PLCB1: variants seen among roughly 807,000 people sequenced by gnomAD.
PLCB1 encodes 1-phosphatidylinositol 4,5-bisphosphate phosphodiesterase beta-1.
In PLCB1, 46 loss-of-function variants were observed where a neutral mutation model predicts 161.8. That is an observed-to-expected ratio of 0.28 (90% CI 0.22 to 0.36). The LOEUF (loss-of-function observed/expected upper bound fraction) is 0.36, where lower values mean the gene tolerates loss of function less well. Ranked by LOEUF, PLCB1 falls within the 10% of genes least tolerant of loss-of-function variation. PLCB1 has a pLI of 1.00. For synonymous variants in PLCB1, 517 were observed against 503.7 expected (o/e 1.03, Z -0.35); for missense variants, 1,016 against 1,472.5 (o/e 0.69, Z 5.07).
intron 2 of PLCB1, among the ~76,000 whole-genome samples, chr20:8,213,607 A>G (rs6055659): frequency 0.018 from 2,756 of 152,128 alleles, 104 homozygotes; most frequent in African/African-American, 0.063. Flanking sequence ...TCTGTTGTGC[A>G]TTTTTTGTTA....
intron 2 of PLCB1, among the ~76,000 whole-genome samples, chr20:8,236,104 A>G (rs1254435959): frequency 6.6e-6 from 1 of 152,176 alleles, no homozygotes; most frequent in Non-Finnish European, 1.5e-5. Flanking sequence ...TGAAGAAACT[A>G]CTAAAAAATG....
intron 2 of PLCB1, among the ~76,000 whole-genome samples, chr20:8,177,287 G>C (rs75673843): frequency 1.3e-5 from 2 of 152,036 alleles, no homozygotes; most frequent in Admixed American, 1.3e-4. Flanking sequence ...TTCATAGAAG[G>C]CACCTTCTGT....
chr20:8,680,765 A>C (rs528389232), intron 9 of PLCB1, among the ~76,000 whole-genome samples: 1 of 152,110 alleles, frequency 6.6e-6, no homozygotes, highest in Admixed American at 6.6e-5. Flanking sequence ...AATTATCCTC[A>C]CACTCACTCA....
At chr20:8,371,105 T>C in intron 2 of PLCB1, 1 of 367,248 alleles carries the variant, frequency 2.7e-6, no homozygotes, top group Non-Finnish European at 4.9e-6. Flanking sequence ...CAAGAAGACC[T>C]GATTCATCAT....
At chr20:8,574,087 G>A (rs556403872) in intron 3 of PLCB1, among the ~76,000 whole-genome samples, 1 of 152,300 alleles carries the variant, frequency 6.6e-6, no homozygotes, top group East Asian at 1.9e-4. Context: ...AGGAATCAAG[G>A]CCAAAGAACA....
intron 3 of PLCB1, among the ~76,000 whole-genome samples, chr20:8,417,398 C>A (rs1230431182): frequency 6.6e-6 from 1 of 151,170 alleles, no homozygotes. Flanking sequence ...ATGTATATAA[C>A]AAATCAAATT....
At chr20:8,410,581 A>G (rs989903442) in intron 3 of PLCB1, among the ~76,000 whole-genome samples, 2 of 152,232 alleles carry the variant, frequency 1.3e-5, no homozygotes, top group Non-Finnish European at 1.5e-5. Context: ...TGCATGAACC[A>G]CACTTGACAC....
At chr20:8,765,114 T>C (rs746683302) in intron 25 of PLCB1, 25 bp from the exon 26 acceptor site, 2 of 1,587,188 alleles carry the variant, frequency 1.3e-6, no homozygotes, top group Middle Eastern at 1.7e-4. Flanking sequence ...CCCATTCCCT[T>C]AGCTTTCATA....
At chr20:8,166,228 A>G (rs773351571) in intron 2 of PLCB1, among the ~76,000 whole-genome samples, 1 of 152,274 alleles carries the variant, frequency 6.6e-6, no homozygotes, top group Non-Finnish European at 1.5e-5. Flanking sequence ...TTCAATACAT[A>G]TCAACCTGGA....
At chr20:8,593,209 G>A (rs1017480735) in intron 3 of PLCB1, among the ~76,000 whole-genome samples, 11 of 152,178 alleles carry the variant, frequency 7.2e-5, no homozygotes, top group African/African-American at 1.9e-4. Context: ...GTCTTGCTCC[G>A]TCACCCAGGC....
At chr20:8,639,566 C>T (rs1237266698) in intron 4 of PLCB1, among the ~76,000 whole-genome samples, 1 of 152,228 alleles carries the variant, frequency 6.6e-6, no homozygotes. Context: ...TTTCCCAGAA[C>T]CCTCCAGCAG....
At chr20:8,413,030 G>A (rs559531897) in intron 3 of PLCB1, among the ~76,000 whole-genome samples, 1 of 150,608 alleles carries the variant, frequency 6.6e-6, no homozygotes, top group Non-Finnish European at 1.5e-5. Context: ...GGGAATTCTA[G>A]CTCCAAAATT....
At chr20:8,569,827 T>C (rs1021155447) in intron 3 of PLCB1, among the ~76,000 whole-genome samples, 19 of 152,256 alleles carry the variant, frequency 1.2e-4, no homozygotes, top group African/African-American at 2.9e-4. Flanking sequence ...AGGAAATACA[T>C]CCAAAAGGCT....
intron 2 of PLCB1, among the ~76,000 whole-genome samples, chr20:8,189,193 C>G (rs771537829): frequency 1.3e-5 from 2 of 151,596 alleles, no homozygotes; most frequent in Non-Finnish European, 2.9e-5. Flanking sequence ...AGCATAATGG[C>G]TTCCAAGTAT....
At chr20:8,157,726 A>C (rs2123044377) in intron 2 of PLCB1, among the ~76,000 whole-genome samples, 1 of 152,324 alleles carries the variant, frequency 6.6e-6, no homozygotes, top group Non-Finnish European at 1.5e-5. Flanking sequence ...TTTTTTTGGT[A>C]GAATTTCTAA....
intron 3 of PLCB1, among the ~76,000 whole-genome samples, chr20:8,456,405 A>G (rs990920247): frequency 6.6e-6 from 1 of 152,186 alleles, no homozygotes; most frequent in Non-Finnish European, 1.5e-5. Flanking sequence ...TTTCATTGAG[A>G]AGTGAAATAA....
intron 3 of PLCB1, among the ~76,000 whole-genome samples, chr20:8,552,988 A>G (rs756532979): frequency 2.6e-5 from 4 of 152,190 alleles, no homozygotes; most frequent in East Asian, 1.9e-4. Context: ...AAATATAGCT[A>G]TTCCTGAGCT....
rs781551251 is a variant in PLCB1 at position 8,540,872 on chromosome 20, A to C, written c.247-87422A>C. Among the ~76,000 whole-genome samples, 149 of 152,242 alleles carry C rather than the reference A, an allele frequency of 9.8e-4. 1 individual carries two copies. The highest frequency in any genetic ancestry group is 6.8e-3 in the Middle Eastern group (2 of 294). On this transcript the variant is annotated intron_variant, in intron 3 of 31. Coordinates refer to ENST00000338037, the MANE Select transcript of PLCB1 (RefSeq NM_015192.4). ...TACAACCTTCTACCAGGGCTATTCTAAGCCAGTGATTTAGAGCCCTGATGC... is the reference window on the plus strand; with the variant it reads ...TACAACCTTCTACCAGGGCTATTCTCAGCCAGTGATTTAGAGCCCTGATGC...
intron 31 of PLCB1, among the ~76,000 whole-genome samples, chr20:8,810,001 G>A (rs1449955732): frequency 1.3e-5 from 2 of 152,144 alleles, no homozygotes; most frequent in Non-Finnish European, 2.9e-5. Context: ...TTTTACAGGG[G>A]CCACTTTTTT....
Sources: allele counts gnomAD v4.1 joint callset (sites outside exome capture counted in the v4.1 genomes callset), GRCh38; gene constraint gnomAD v4.1.1; transcripts MANE v1.5; gene names NCBI Gene and HGNC (gene_info 2026-07-23, HGNC 2026-07-21).